The following CACNG4 variants were observed in gnomAD, a reference collection of about 807,000 sequenced individuals.
CACNG4 encodes the protein calcium voltage-gated channel auxiliary subunit gamma 4.
A neutral mutation model predicts 22.9 loss-of-function variants in CACNG4; 8 were observed. That is an observed-to-expected ratio of 0.35 (90% confidence interval 0.21 to 0.63). The LOEUF (loss-of-function observed/expected upper bound fraction) is 0.63, where lower values mean the gene tolerates loss of function less well. Ranked by LOEUF, CACNG4 falls within the 30% of genes least tolerant of loss-of-function variation. The pLI is 0.72. For missense variants in CACNG4, 357 were observed against 455.4 expected, an observed-to-expected ratio of 0.78 and a Z score of 1.97; for synonymous variants, 188 against 191.9, an observed-to-expected ratio of 0.98 and a Z score of 0.17.
chr17:67,001,218 C>G (rs189920892), intron 1 of CACNG4, among the ~76,000 whole-genome samples: 34 of 152,198 alleles, frequency 2.2e-4, no homozygotes, highest in East Asian at 2.1e-3. Context: ...TGAGGGCTCC[C>G]GGCCACTTGG....
intron 1 of CACNG4, among the ~76,000 whole-genome samples, chr17:66,976,046 G>A (rs1197586447): frequency 6.6e-6 from 1 of 152,188 alleles, no homozygotes; most frequent in Non-Finnish European, 1.5e-5. Context: ...GCTCGTGGGG[G>A]TTGTGACTGA....
At chr17:66,965,184 A>ACACACAC (rs1186329458) in intron 1 of CACNG4, 53 bp downstream of exon 1, 13 of 1,039,234 alleles carry the variant, frequency 1.3e-5, no homozygotes, top group Non-Finnish European at 1.8e-5. Flanking sequence ...ACACACACAC[A>ACACACAC]CATATACACA....
chr17:67,007,237 A>G (rs1404586692), intron 1 of CACNG4, among the ~76,000 whole-genome samples: 1 of 152,162 alleles, frequency 6.6e-6, no homozygotes, highest in Non-Finnish European at 1.5e-5. Context: ...CACCTCAATG[A>G]CTCTAAACTA....
intron 1 of CACNG4, among the ~76,000 whole-genome samples, chr17:66,989,694 G>C (rs540500473): frequency 6.6e-6 from 1 of 151,564 alleles, no homozygotes; most frequent in South Asian, 2.1e-4. Flanking sequence ...TCTCCAAGAG[G>C]GGGTAGCCTC....
chr17:66,972,931 C>T (rs985757654), intron 1 of CACNG4, among the ~76,000 whole-genome samples: 7 of 124,034 alleles, frequency 5.6e-5, no homozygotes, highest in African/African-American at 1.0e-4. Flanking sequence ...GTCTCAAAAA[C>T]AAAAACAAAA....
At chr17:67,002,024 G>A (rs569972134) in intron 1 of CACNG4, among the ~76,000 whole-genome samples, 1 of 152,116 alleles carries the variant, frequency 6.6e-6, no homozygotes, top group African/African-American at 2.4e-5. Flanking sequence ...CTAACCTGGT[G>A]CTCCAGACCA....
At chr17:66,971,429 C>T (rs1470057676) in intron 1 of CACNG4, among the ~76,000 whole-genome samples, 1 of 152,218 alleles carries the variant, frequency 6.6e-6, no homozygotes. Flanking sequence ...ATTCTTCCAG[C>T]ACAGGCTCAC....
chr17:67,022,212 T>G (rs1303868759), intron 2 of CACNG4, among the ~76,000 whole-genome samples: 1 of 152,046 alleles, frequency 6.6e-6, no homozygotes, highest in African/African-American at 2.4e-5. Flanking sequence ...ATCGCTGGGA[T>G]TACAGGCACT....
intron 3 of CACNG4, among the ~76,000 whole-genome samples, chr17:67,026,674 G>A (rs1598126753): frequency 6.6e-6 from 1 of 150,680 alleles, no homozygotes; most frequent in Non-Finnish European, 1.5e-5. Flanking sequence ...TTTGAGGACT[G>A]TGGTGTGTGT....
chr17:67,006,312 C>G (rs1429729740), intron 1 of CACNG4, among the ~76,000 whole-genome samples: 1 of 152,176 alleles, frequency 6.6e-6, no homozygotes, highest in Non-Finnish European at 1.5e-5. Context: ...GGGTCTAGAG[C>G]TCCGGGCATG....
At chr17:66,978,083 G>A (rs1329643000) in intron 1 of CACNG4, among the ~76,000 whole-genome samples, 1 of 152,154 alleles carries the variant, frequency 6.6e-6, no homozygotes, top group African/African-American at 2.4e-5. Context: ...CAACTCTTTT[G>A]CTTGGCATCT....
rs894247415 is a variant in CACNG4 at position 67,032,173 on chromosome 17, G to A, written c.*1169G>A. 7 of 367,868 alleles carry A rather than the reference G, an allele frequency of 1.9e-5. No homozygotes were observed. Among genetic ancestry groups the A allele is most frequent in the East Asian group, 7.3e-5 (1 of 13,764 alleles). 22.8% of individuals were successfully genotyped at this position (367,868 alleles called of 1,614,324 possible). ...CGGAGTGGAGTGAGTTTGGATAAAC[G>A]GACCGAGCTGGGCTTCTCTTCCTCC... On this transcript the variant is annotated 3_prime_UTR_variant, in exon 4 of 4. Coordinates refer to ENST00000262138, the MANE Select transcript of CACNG4 (RefSeq NM_014405.4).
intron 2 of CACNG4, among the ~76,000 whole-genome samples, chr17:67,020,567 A>G (rs12941238): frequency 0.25 from 37,434 of 152,156 alleles, 4,868 homozygotes; most frequent in South Asian, 0.35. Flanking sequence ...TGACTTCCCA[A>G]CAGGGAGGTG....
chr17:66,992,740 C>A (rs1004728067), intron 1 of CACNG4, among the ~76,000 whole-genome samples: 1 of 152,222 alleles, frequency 6.6e-6, no homozygotes, highest in Admixed American at 6.5e-5. Flanking sequence ...AGGGCCTTGG[C>A]TGGATGAGCC....
chr17:66,999,277 G>GTT lies in CACNG4; in HGVS notation c.221-18912_221-18911insTT, dbSNP rs780289625. Among the ~76,000 whole-genome samples the GTT allele has an allele frequency of 4.8e-3, 722 of 151,484 alleles. 2 individuals are homozygous for GTT. The highest frequency in any genetic ancestry group is 0.016 in the African/African-American group (641 of 41,182). ...TACTGTAATAGTTGGCAGTAGAGTT[G>GTT]GTGGTGGTGGTGGTGGTGGTGGTCA... On this transcript the variant is annotated intron_variant, in intron 1 of 3. Transcript: ENST00000262138.
At chr17:67,009,683 C>T (rs969918498) in intron 1 of CACNG4, among the ~76,000 whole-genome samples, 4 of 152,160 alleles carry the variant, frequency 2.6e-5, no homozygotes, top group African/African-American at 7.2e-5. Context: ...AAGATCAAGG[C>T]GCCAGCAGAT....
chr17:66,965,158 C>CCACACACACA (rs756757561), intron 1 of CACNG4, 27 bp downstream of exon 1: 1 of 703,724 alleles, frequency 1.4e-6, no homozygotes, highest in Non-Finnish European at 1.9e-6. Context: ...CCCCTCGCCG[C>CCACACACACA]CCCACACACA....
At chr17:66,976,873 C>T (rs1388202318) in intron 1 of CACNG4, among the ~76,000 whole-genome samples, 4 of 152,148 alleles carry the variant, frequency 2.6e-5, no homozygotes, top group African/African-American at 9.7e-5. Flanking sequence ...GGCTGTGCTT[C>T]CCGCCAGTGT....
chr17:66,997,346 T>G (rs2143318927), intron 1 of CACNG4, among the ~76,000 whole-genome samples: 1 of 151,878 alleles, frequency 6.6e-6, no homozygotes, highest in East Asian at 1.9e-4. Flanking sequence ...CGCCCTCCAG[T>G]GAGGACCCCC....
Sources: gnomAD v4.1 joint callset for allele counts (sites outside exome capture counted in the v4.1 genomes callset) on GRCh38, gnomAD v4.1.1 for gene constraint, MANE v1.5 for transcripts, NCBI Gene and HGNC (gene_info 2026-07-23, HGNC 2026-07-21) for gene names.